The following SPATA1 variants were observed in gnomAD, a reference collection of about 807,000 sequenced individuals.
SPATA1 encodes the protein spermatogenesis associated 1.
SPATA1 carries 57 observed loss-of-function variants against 59.6 expected under a neutral mutation model. The observed-to-expected ratio is 0.96, with a 90% CI of 0.77 to 1.19. The LOEUF is 1.19. SPATA1 is among the 50% of genes most tolerant of loss of function. The probability of loss-of-function intolerance (pLI) is 0.00; values close to 1 mark genes in which losing one functional copy is unlikely to be tolerated. For missense variants in SPATA1, 448 were observed against 480.7 expected (o/e 0.93, Z 0.64); for synonymous variants, 147 against 163.9 (o/e 0.90, Z 0.79).
chr1:84,538,076 A>T (rs1200734179), intron 8 of SPATA1, among the ~76,000 whole-genome samples: 1 of 152,208 alleles, frequency 6.6e-6, no homozygotes, highest in Non-Finnish European at 1.5e-5. Context: ...TTGTGCCATG[A>T]TCAAAACTTG....
At chr1:84,562,551 T>G (rs1684614913) in intron 4 of SPATA1, among the ~76,000 whole-genome samples, 1 of 152,208 alleles carries the variant, frequency 6.6e-6, no homozygotes, top group Non-Finnish European at 1.5e-5. Context: ...TAAAGTAACA[T>G]AATCTGAAAT....
At chr1:84,556,294 AGAC>A (rs1684427260), downstream of SPATA1, among the ~76,000 whole-genome samples, 1 of 152,246 alleles carries the variant, frequency 6.6e-6, no homozygotes, top group Non-Finnish European at 1.5e-5. Context: ...AAAAATAGAA[AGAC>A]CTGTGACTAA....
intron 2 of SPATA1, 48 bp downstream of exon 2, chr1:84,516,443 C>A: frequency 8.5e-7 from 1 of 1,175,364 alleles, no homozygotes; most frequent in Non-Finnish European, 1.2e-6. Flanking sequence ...CTGCTTATCA[C>A]TGTTTTTGAA....
chr1:84,511,973 C>T (rs112597592), intron 1 of SPATA1, among the ~76,000 whole-genome samples: 1,728 of 152,206 alleles, frequency 0.011, 12 homozygotes, highest in Non-Finnish European at 0.017. Context: ...TGAGCCACCG[C>T]GCCTGGCCTC....
chr1:84,548,957 A>G (rs1217320719), exon 11 of SPATA1: 6 of 1,570,948 alleles, frequency 3.8e-6, no homozygotes, highest in Non-Finnish European at 4.3e-6. Context: ...AACATCACAG[A>G]CTCCAAGGTA....
intron 12 of SPATA1, 133 bp downstream of exon 12, chr1:84,550,663 T>G: frequency 8.0e-7 from 1 of 1,244,948 alleles, no homozygotes. Flanking sequence ...ACCTTAACAG[T>G]AAAGAGCATA....
chr1:84,555,965 CAGCCAAGTCAAA>C (rs981773775), downstream of SPATA1: 2 of 152,230 alleles, frequency 1.3e-5, no homozygotes, highest in African/African-American at 4.8e-5. Flanking sequence ...TATGATGAAT[CAGCCAAGTCAAA>C]AGGTAATGGC....
At chr1:84,512,787 G>C (rs1190094283) in intron 1 of SPATA1, among the ~76,000 whole-genome samples, 1 of 152,156 alleles carries the variant, frequency 6.6e-6, no homozygotes, top group African/African-American at 2.4e-5. Flanking sequence ...GTAGCCTTGG[G>C]ATCCTACTTA....
At chr1:84,516,930 A>G (rs1484192444) in intron 2 of SPATA1, among the ~76,000 whole-genome samples, 2 of 152,046 alleles carry the variant, frequency 1.3e-5, no homozygotes, top group Non-Finnish European at 2.9e-5. Context: ...ACTATCTGCC[A>G]CTCATTAATT....
chr1:84,510,013 T>G (rs996815157), intron 1 of SPATA1, among the ~76,000 whole-genome samples: 2 of 151,766 alleles, frequency 1.3e-5, no homozygotes, highest in African/African-American at 4.8e-5. Context: ...CATGGCAAAG[T>G]CAAAACCCCA....
At chr1:84,532,893 T>C (rs755667029) in exon 7 of SPATA1, 22 of 1,551,968 alleles carry the variant, frequency 1.4e-5, no homozygotes, top group Middle Eastern at 1.7e-4. Context: ...AAAAGCCAAA[T>C]TGCAAAAAAT....
At chr1:84,540,672 G>T (rs967922486) in intron 8 of SPATA1, among the ~76,000 whole-genome samples, 1 of 152,170 alleles carries the variant, frequency 6.6e-6, no homozygotes, top group African/African-American at 2.4e-5. Context: ...TTTTGCAAAA[G>T]ATTTTTCAAT....
rs184863221 is a variant in SPATA1 at position 84,530,531 on chromosome 1, A to G, written c.545-2329A>G. On this transcript the variant is annotated intron_variant, in intron 6 of 12. Transcript: ENST00000490879. ...AGCAATCTGAAGTTTTTAACTTGGCATGATTGGATTTTAGTTCTAGAAAAA... is the reference window on the plus strand; with the variant it reads ...AGCAATCTGAAGTTTTTAACTTGGCGTGATTGGATTTTAGTTCTAGAAAAA... 2.2e-3 allele frequency among the ~76,000 whole-genome samples: 339 copies of G among 152,316 alleles called. 1 individual carries two copies. Among genetic ancestry groups the G allele is most frequent in the Non-Finnish European group, 3.1e-3 (213 of 68,026 alleles).
chr1:84,563,252 C>T, intron 4 of SPATA1: 2 of 1,473,562 alleles, frequency 1.4e-6, no homozygotes, highest in South Asian at 2.8e-5. Flanking sequence ...TACGAAAAGT[C>T]TTACTTTATA....
At chr1:84,515,916 C>T (rs1487906517) in intron 1 of SPATA1, among the ~76,000 whole-genome samples, 1 of 152,126 alleles carries the variant, frequency 6.6e-6, no homozygotes, top group East Asian at 1.9e-4. Flanking sequence ...ATCATAAATT[C>T]TGCCTTTCTA....
intron 10 of SPATA1, among the ~76,000 whole-genome samples, chr1:84,546,014 T>G (rs1214546334): frequency 6.6e-6 from 1 of 152,190 alleles, no homozygotes; most frequent in Non-Finnish European, 1.5e-5. Flanking sequence ...ACTTGTTTAT[T>G]AATTCTTCTA....
intron 1 of SPATA1, among the ~76,000 whole-genome samples, chr1:84,512,111 C>A (rs796956597): frequency 6.6e-6 from 1 of 152,148 alleles, no homozygotes; most frequent in Non-Finnish European, 1.5e-5. Context: ...CTGAATTTAT[C>A]CTGATCAGAT....
chr1:84,521,287 A>G (rs1448420835), intron 3 of SPATA1, among the ~76,000 whole-genome samples: 1 of 152,204 alleles, frequency 6.6e-6, no homozygotes, highest in Non-Finnish European at 1.5e-5. Flanking sequence ...AAAAATATAA[A>G]CAAAGAACAT....
intron 12 of SPATA1, chr1:84,553,025 C>A (rs923292302): frequency 2.0e-6 from 3 of 1,494,544 alleles, no homozygotes; most frequent in East Asian, 5.1e-5. Flanking sequence ...AAAAGTAATT[C>A]TTTTTATAGA....
Sources: allele counts gnomAD v4.1 joint callset (sites outside exome capture counted in the v4.1 genomes callset), GRCh38; gene constraint gnomAD v4.1.1; transcripts MANE v1.5; gene names NCBI Gene and HGNC (gene_info 2026-07-23, HGNC 2026-07-21).